ALG14: variants seen among roughly 807,000 people sequenced by gnomAD.
ALG14 encodes the protein ALG14 UDP-N-acetylglucosaminyltransferase subunit, also known as UDP-N-acetylglucosamine transferase subunit ALG14.
In ALG14, 17 loss-of-function variants were observed where a neutral mutation model predicts 22.8. The observed-to-expected ratio is 0.75, with a 90% CI of 0.51 to 1.12. ALG14 has a LOEUF of 1.12. Among genes scored for constraint, ALG14 ranks in the 50% most tolerant of loss-of-function variants. The pLI, the probability that ALG14 is intolerant of heterozygous loss-of-function variation, is 0.00. For missense variants in ALG14, 288 were observed against 271.8 expected (o/e 1.06, Z -0.42); for synonymous variants, 89 against 103.7 (o/e 0.86, Z 0.86).
At position 94,978,839 on chromosome 1, in the gene ALG14, T is replaced by C. The variant is rs1242515236; in HGVS notation, c.*4237A>G. On this transcript the variant is annotated 3_prime_UTR_variant, in exon 4 of 4. Coordinates refer to ENST00000370205, the MANE Select transcript of ALG14 (RefSeq NM_144988.4). The stretch of plus-strand genomic sequence containing the variant: ...TCCTTTTGAGGACATTTTTTCTTTT[T>C]TCTTTAAAAAAAAAAAAAAACACCT... 1.8e-5 allele frequency: 2 copies of C among 112,926 alleles called. No individual in the cohort carries two copies. Among genetic ancestry groups the C allele is most frequent in the Non-Finnish European group, 3.5e-5 (2 of 57,734 alleles). The allele number at this position is 112,926 out of a possible 1,614,324, so 7.0% of individuals were successfully genotyped here. A position where few individuals can be genotyped will look rare whatever the true frequency, so the allele number is the denominator to read the frequency against.
At chr1:95,033,095 A>T (rs1392218902) in intron 2 of ALG14, among the ~76,000 whole-genome samples, 2 of 152,124 alleles carry the variant, frequency 1.3e-5, no homozygotes, top group African/African-American at 2.4e-5. Flanking sequence ...AGGCATCTTT[A>T]TAGACGTTGT....
intron 2 of ALG14, among the ~76,000 whole-genome samples, chr1:95,048,972 T>C (rs1258929032): frequency 2.0e-5 from 3 of 152,154 alleles, no homozygotes; most frequent in Non-Finnish European, 2.9e-5. Context: ...TAATTATAAA[T>C]AAGGTGAATT....
chr1:95,037,836 A>G (rs2100790606), intron 2 of ALG14, among the ~76,000 whole-genome samples: 1 of 152,316 alleles, frequency 6.6e-6, no homozygotes, highest in Middle Eastern at 3.4e-3. Flanking sequence ...TGTACTCTCT[A>G]AGCATGGATT....
intron 1 of ALG14, among the ~76,000 whole-genome samples, chr1:95,065,490 G>A (rs990108080): frequency 6.6e-6 from 1 of 152,166 alleles, no homozygotes; most frequent in African/African-American, 2.4e-5. Flanking sequence ...GAGTAGGGAG[G>A]CCACTGGGTG....
intron 2 of ALG14, among the ~76,000 whole-genome samples, chr1:95,043,629 C>A (rs577084768): frequency 1.3e-5 from 2 of 152,196 alleles, no homozygotes; most frequent in Non-Finnish European, 2.9e-5. Context: ...AGTGACATTG[C>A]AGAGGAAAGA....
At chr1:95,055,332 G>A (rs948999801) in intron 2 of ALG14, among the ~76,000 whole-genome samples, 3 of 152,130 alleles carry the variant, frequency 2.0e-5, no homozygotes, top group African/African-American at 7.2e-5. Context: ...AATCTAGTAA[G>A]TAGATCTTCT....
At chr1:94,996,138 T>C (rs1557943609) in intron 3 of ALG14, among the ~76,000 whole-genome samples, 1 of 152,216 alleles carries the variant, frequency 6.6e-6, no homozygotes, top group Non-Finnish European at 1.5e-5. Context: ...CTAGTGTTTC[T>C]CACACTTTCA....
At chr1:95,021,732 A>G (rs1282520898) in intron 3 of ALG14, among the ~76,000 whole-genome samples, 2 of 152,114 alleles carry the variant, frequency 1.3e-5, no homozygotes, top group Non-Finnish European at 2.9e-5. Flanking sequence ...TCACCTCGTC[A>G]CCAGCATCTC....
intron 2 of ALG14, among the ~76,000 whole-genome samples, chr1:95,049,536 A>G (rs1291046621): frequency 6.6e-6 from 1 of 151,938 alleles, no homozygotes; most frequent in Non-Finnish European, 1.5e-5. Flanking sequence ...CCCTGCCTCA[A>G]AAAAAAATTA....
chr1:95,033,665 G>A (rs1371479866), intron 2 of ALG14, among the ~76,000 whole-genome samples: 3 of 151,768 alleles, frequency 2.0e-5, no homozygotes, highest in Admixed American at 2.0e-4. Context: ...AGGTTGCCAG[G>A]GACCGAAAGG....
chr1:95,024,723 C>T (rs1486844528), intron 3 of ALG14, among the ~76,000 whole-genome samples: 2 of 152,154 alleles, frequency 1.3e-5, no homozygotes, highest in Admixed American at 1.3e-4. Flanking sequence ...AGTATAAATC[C>T]TATCACAGAA....
chr1:94,984,086 T>A (rs1672575137), intron 3 of ALG14, among the ~76,000 whole-genome samples: 1 of 152,138 alleles, frequency 6.6e-6, no homozygotes, highest in South Asian at 2.1e-4. Flanking sequence ...AAAACCTGTT[T>A]CAGAGAATTG....
Position 94,975,207 on chromosome 1 carries a change from C to T in ALG14, c.*7869G>A, listed in dbSNP as rs1672371448. The T allele has an allele frequency of 6.6e-6, 1 of 152,262 alleles. No individual in the cohort carries two copies. The highest frequency in any genetic ancestry group is 1.5e-5 in the Non-Finnish European group (1 of 68,076). 9.4% of individuals were successfully genotyped at this position (152,262 alleles called of 1,614,324 possible). On this transcript the variant is annotated 3_prime_UTR_variant, in exon 4 of 4. Coordinates refer to ENST00000370205, the MANE Select transcript of ALG14 (RefSeq NM_144988.4). ...CACTAAGCTACTTTCTGTCTATGGA[C>T]TTGCCTACTCTGGACATTTCATATG...
intron 3 of ALG14, among the ~76,000 whole-genome samples, chr1:94,990,187 G>A (rs572842784): frequency 1.3e-5 from 2 of 152,278 alleles, no homozygotes; most frequent in East Asian, 3.9e-4. Flanking sequence ...AGAGTCAGGT[G>A]GTATATAACA....
rs1343595744 is a variant in ALG14, at chr1:94,979,858, A to C, written c.*3218T>G. ...CTAGAGGGATGGGCCCTAACAAAAG[A>C]ATGTTGAAGGCGGACAAGATTTGGG... On this transcript the variant is annotated 3_prime_UTR_variant, in exon 4 of 4. Coordinates refer to ENST00000370205, the MANE Select transcript of ALG14 (RefSeq NM_144988.4). 5 of 152,156 alleles carry C rather than the reference A, an allele frequency of 3.3e-5. No homozygotes were observed. Among genetic ancestry groups the C allele is most frequent in the African/African-American group, 1.2e-4 (5 of 41,420 alleles). The allele number at this position is 152,156 out of a possible 1,614,324, so 9.4% of individuals were successfully genotyped here.
intron 1 of ALG14, among the ~76,000 whole-genome samples, chr1:95,067,980 C>T (rs1384584266): frequency 2.0e-5 from 3 of 152,172 alleles, no homozygotes; most frequent in South Asian, 2.1e-4. Flanking sequence ...AAGGCTTTCC[C>T]TGACAATCTT....
intron 2 of ALG14, among the ~76,000 whole-genome samples, chr1:95,059,420 A>C (rs1038360793): frequency 6.7e-6 from 1 of 148,336 alleles, no homozygotes; most frequent in African/African-American, 2.5e-5. Flanking sequence ...AAAAAAAAAA[A>C]CATATTATTC....
intron 3 of ALG14, among the ~76,000 whole-genome samples, chr1:95,015,491 G>A (rs1673474096): frequency 6.6e-6 from 1 of 152,182 alleles, no homozygotes; most frequent in Admixed American, 6.5e-5. Context: ...TCACAGGAGG[G>A]CAAGATCTGG....
chr1:95,056,057 G>A (rs1027645383), intron 2 of ALG14, among the ~76,000 whole-genome samples: 8 of 150,858 alleles, frequency 5.3e-5, no homozygotes, highest in African/African-American at 1.2e-4. Context: ...AACTTCTGAA[G>A]GATAAAGCTA....
Sources: allele counts gnomAD v4.1 joint callset (sites outside exome capture counted in the v4.1 genomes callset), GRCh38; gene constraint gnomAD v4.1.1; transcripts MANE v1.5; gene names NCBI Gene and HGNC (gene_info 2026-07-23, HGNC 2026-07-21).